The following AFF4 variants were observed in gnomAD, a reference collection of about 807,000 sequenced individuals.
AFF4 encodes AF4/FMR2 family member 4.
AFF4 carries 13 observed loss-of-function variants against 124.8 expected under a neutral mutation model. The ratio of observed to expected loss-of-function variants is 0.10; its 90% CI spans 0.07 to 0.17. The LOEUF (loss-of-function observed/expected upper bound fraction) is 0.17. Among genes scored for constraint, AFF4 ranks in the 10% least tolerant of loss-of-function variants. The probability of loss-of-function intolerance (pLI) is 1.00; values close to 1 mark genes in which losing one functional copy is unlikely to be tolerated. For missense variants in AFF4, 1,092 were observed against 1,403.8 expected (o/e 0.78, Z 3.55); for synonymous variants, 477 against 496.1 (o/e 0.96, Z 0.51).
rs200054068 is a variant in AFF4 at position 132,932,166 on chromosome 5, TAA to T, written c.963+10_963+11del. 6.1e-5 allele frequency: 96 copies of T among 1,577,014 alleles called. No homozygotes were observed. Among genetic ancestry groups the T allele is most frequent in the Non-Finnish European group, 8.0e-5 (93 of 1,162,794 alleles). ...TTAAAGAAATTGAAATGATTTTTTT[TAA>T]AAAACTTACTTTTAGGATTTCATCC... On this transcript the variant is annotated intron_variant, in intron 4 of 20. Transcript: ENST00000265343.
At chr5:132,944,469 A>G (rs1168199026) in intron 1 of AFF4, among the ~76,000 whole-genome samples, 1 of 152,136 alleles carries the variant, frequency 6.6e-6, no homozygotes, top group Non-Finnish European at 1.5e-5. Flanking sequence ...AACATGGTGA[A>G]ACTCCATCTC....
At chr5:132,898,463 C>A in intron 9 of AFF4, 71 bp from the exon 10 acceptor site, 1 of 1,396,468 alleles carries the variant, frequency 7.2e-7, no homozygotes. Flanking sequence ...TCCAAATCGA[C>A]AACCAACTTT....
intron 3 of AFF4, 50 bp downstream of exon 3, chr5:132,934,097 C>A: frequency 1.3e-6 from 2 of 1,541,648 alleles, no homozygotes; most frequent in South Asian, 2.5e-5. Context: ...CATGATCAGT[C>A]AATTGCTTCA....
intron 5 of AFF4, among the ~76,000 whole-genome samples, chr5:132,923,527 G>A (rs1761102379): frequency 6.6e-6 from 1 of 152,092 alleles, no homozygotes; most frequent in East Asian, 1.9e-4. Flanking sequence ...TTGAAGTCAG[G>A]AGTTTGAGAC....
intron 16 of AFF4, 103 bp from the exon 17 acceptor site, chr5:132,887,695 G>A: frequency 2.0e-6 from 3 of 1,502,248 alleles, no homozygotes; most frequent in South Asian, 1.2e-5. Flanking sequence ...CTAAATAAAA[G>A]CAAAAATACT....
At chr5:132,915,915 C>T (rs1236406951) in intron 5 of AFF4, among the ~76,000 whole-genome samples, 2 of 151,738 alleles carry the variant, frequency 1.3e-5, no homozygotes, top group South Asian at 2.1e-4. Context: ...CCCCATTGTT[C>T]CTATAGATAG....
intron 18 of AFF4, among the ~76,000 whole-genome samples, chr5:132,886,077 CA>C (rs1387843574): frequency 2.0e-5 from 3 of 152,108 alleles, no homozygotes; most frequent in Admixed American, 1.3e-4. Flanking sequence ...CGGCCGAAAA[CA>C]AAAGATCATT....
chr5:132,899,219 T>C, intron 8 of AFF4, 78 bp from the exon 9 acceptor site: 1 of 1,391,292 alleles, frequency 7.2e-7, no homozygotes, highest in Non-Finnish European at 1.0e-6. Flanking sequence ...ATATCTGAAC[T>C]CTTAACAGAA....
chr5:132,931,063 C>A (rs1282083438), intron 4 of AFF4, among the ~76,000 whole-genome samples: 1 of 144,534 alleles, frequency 6.9e-6, no homozygotes, highest in Admixed American at 7.0e-5. Flanking sequence ...GCTGAGATCA[C>A]GCCACTGCAC....
At position 132,905,983 on chromosome 5, in the gene AFF4, T is replaced by C. The variant is rs150930741; in HGVS notation, c.1051-1579A>G. On this transcript the variant is annotated intron_variant, in intron 5 of 20. Transcript: ENST00000265343. ...ACAGGAAAAGGGCCTGAATAAACAT[T>C]TACCCAAGGAAGACATATAAATGGC... Among the ~76,000 whole-genome samples the C allele has an allele frequency of 5.4e-3, 818 of 152,180 alleles. 4 individuals are homozygous for C. The highest frequency in any genetic ancestry group is 0.027 in the Middle Eastern group (8 of 294).
At chr5:132,958,624 A>G (rs1315047121) in intron 1 of AFF4, among the ~76,000 whole-genome samples, 1 of 152,154 alleles carries the variant, frequency 6.6e-6, no homozygotes, top group Non-Finnish European at 1.5e-5. Flanking sequence ...AACAGGTAAG[A>G]AACAAGTTAG....
chr5:132,880,914 T>G lies in AFF4; in HGVS notation c.*145A>C. 9.8e-7 allele frequency: 1 copy of G among 1,015,612 alleles called. No individual in the cohort carries two copies. The highest frequency in any genetic ancestry group is 1.4e-6 in the Non-Finnish European group (1 of 719,346). The allele number at this position is 1,015,612 out of a possible 1,614,324, so 62.9% of individuals were successfully genotyped here. A position where few individuals can be genotyped will look rare whatever the true frequency, so the allele number is the denominator to read the frequency against. On this transcript the variant is annotated 3_prime_UTR_variant, in exon 21 of 21. Transcript: ENST00000265343. ...GCCAACTGACATGATCGCTTTGGAT[T>G]ATCAAAAACAACAACACATGAACCA... is the stretch of plus-strand genomic sequence containing the variant.
chr5:132,884,208 A>G (rs898427481), intron 19 of AFF4, among the ~76,000 whole-genome samples: 3 of 152,202 alleles, frequency 2.0e-5, no homozygotes, highest in African/African-American at 2.4e-5. Flanking sequence ...AGGAAAAATC[A>G]AAAGTTGGGG....
intron 3 of AFF4, 68 bp from the exon 4 acceptor site, chr5:132,932,290 A>T: frequency 2.9e-6 from 4 of 1,358,962 alleles, no homozygotes; most frequent in Non-Finnish European, 4.1e-6. Flanking sequence ...TCACAGATTT[A>T]AAAACATTAT....
rs1338494738 is a variant in AFF4, at chr5:132,931,674, G to T, written c.963+504C>A. ...TATTTTACTTAAAAGCAAAGAACGC[G>T]GCCAGGCGCGGTGACTCACACCTGT... On this transcript the variant is annotated intron_variant, in intron 4 of 20. Transcript: ENST00000265343. Among the ~76,000 whole-genome samples, 5 of 152,202 alleles carry T rather than the reference G, an allele frequency of 3.3e-5. No homozygotes were observed. In the East Asian group the frequency reaches 9.6e-4, roughly 29 times the overall value.
intron 5 of AFF4, among the ~76,000 whole-genome samples, chr5:132,904,920 G>C (rs1760636390): frequency 6.6e-6 from 1 of 151,922 alleles, no homozygotes; most frequent in African/African-American, 2.4e-5. Flanking sequence ...GTGGTGGCGT[G>C]CACCTGTAGT....
At chr5:132,933,688 AG>A (rs1204081684) in intron 3 of AFF4, among the ~76,000 whole-genome samples, 2 of 152,258 alleles carry the variant, frequency 1.3e-5, no homozygotes, top group Admixed American at 6.5e-5. Flanking sequence ...AAAGGATCAT[AG>A]CATTCAAAGT....
At chr5:132,938,980 G>GAAA (rs1192609238) in intron 1 of AFF4, among the ~76,000 whole-genome samples, 1 of 78,892 alleles carries the variant, frequency 1.3e-5, no homozygotes, top group Non-Finnish European at 2.5e-5. Context: ...TTAATGTTTA[G>GAAA]AAAAAAAAAA....
rs758394716 is a variant in AFF4 at position 132,927,169 on chromosome 5, A to G, written c.1002T>C (p.Ile334=). 3 of 1,612,152 alleles carry G rather than the reference A, an allele frequency of 1.9e-6. No homozygotes were observed. In the East Asian group the frequency reaches 6.7e-5, roughly 36 times the overall value. Residue 334 remains isoleucine (I), a synonymous_variant, in exon 5 of 21, where the codon ATT becomes ATC. Transcript: ENST00000265343. The part of the protein sequence containing the change: ...THSWPPPLTA[I]HTPCKTEPSK... ...AAGGTTCTGTTTTGCATGGTGTATG[A>G]ATAGCCGTTAGAGGGGGAGGCCATG...
Sources: allele counts gnomAD v4.1 joint callset (sites outside exome capture counted in the v4.1 genomes callset), GRCh38; gene constraint gnomAD v4.1.1; transcripts MANE v1.5; gene names NCBI Gene and HGNC (gene_info 2026-07-23, HGNC 2026-07-21).